The following ARID4B variants were observed in gnomAD, a reference collection of about 807,000 sequenced individuals.
ARID4B encodes AT-rich interaction domain 4B, also known as AT-rich interactive domain-containing protein 4B.
In ARID4B, 26 loss-of-function variants were observed where a neutral mutation model predicts 147.5. The observed-to-expected ratio is 0.18, with a 90% CI of 0.13 to 0.24. ARID4B has a LOEUF of 0.24. Among genes scored for constraint, ARID4B ranks in the 10% least tolerant of loss-of-function variants. The pLI is 1.00. For missense variants in ARID4B, 1,179 were observed against 1,511.5 expected, an observed-to-expected ratio of 0.78 and a Z score of 3.65; for synonymous variants, 512 against 507.9, an observed-to-expected ratio of 1.01 and a Z score of -0.11.
intron 3 of ARID4B, among the ~76,000 whole-genome samples, chr1:235,258,060 G>A (rs890502500): frequency 3.3e-5 from 5 of 152,178 alleles, no homozygotes; most frequent in African/African-American, 4.8e-5. Flanking sequence ...GGCCAGGTGC[G>A]GTGGCTCATC....
intron 6 of ARID4B, among the ~76,000 whole-genome samples, chr1:235,250,819 C>T (rs1231800123): frequency 6.6e-6 from 1 of 152,172 alleles, no homozygotes; most frequent in African/African-American, 2.4e-5. Flanking sequence ...GTTCATATTA[C>T]CTTCAGCATT....
intron 2 of ARID4B, among the ~76,000 whole-genome samples, chr1:235,266,516 C>T (rs932521185): frequency 1.9e-4 from 29 of 152,162 alleles, no homozygotes; most frequent in African/African-American, 7.0e-4. Flanking sequence ...CAACAGCTAC[C>T]TCACAGTTTT....
chr1:235,298,268 T>A, intron 2 of ARID4B, among the ~76,000 whole-genome samples: 1 of 152,104 alleles, frequency 6.6e-6, no homozygotes, highest in East Asian at 1.9e-4. Context: ...ACTTTATTTT[T>A]GTATGTTGTA....
intron 22 of ARID4B, among the ~76,000 whole-genome samples, chr1:235,173,901 T>C (rs976009788): frequency 1.4e-4 from 21 of 146,672 alleles, no homozygotes; most frequent in Non-Finnish European, 2.4e-4. Context: ...GAGAGAAGGA[T>C]AGTGAACCCC....
At chr1:235,215,394 A>G (rs1299327277) in intron 16 of ARID4B, among the ~76,000 whole-genome samples, 1 of 152,106 alleles carries the variant, frequency 6.6e-6, no homozygotes, top group East Asian at 1.9e-4. Context: ...ACAAATGACT[A>G]AACATCATAA....
At chr1:235,281,572 A>G (rs915581422) in intron 2 of ARID4B, among the ~76,000 whole-genome samples, 8 of 152,094 alleles carry the variant, frequency 5.3e-5, no homozygotes, top group African/African-American at 1.9e-4. Flanking sequence ...TGAGCGTGGT[A>G]GCCCATGCCT....
chr1:235,182,680 C>A lies in ARID4B; in HGVS notation c.2239G>T (p.Asp747Tyr). ...TTCTGTTCCTCCTTTGAAATAAGAT[C>A]ATTTCTGTTGTTGGTCAAATGATCA... ...KIDHLTNNRNDLISKEEQNSS... is the reference protein window; with the variant it reads ...KIDHLTNNRNYLISKEEQNSS... The change falls in exon 20 of 24, where the codon GAT (aspartate) becomes TAT (tyrosine). Residue 747 changes from aspartate to tyrosine, a missense_variant. Coordinates refer to ENST00000264183, the MANE Select transcript of ARID4B (RefSeq NM_016374.6). 1.9e-6 allele frequency: 3 copies of A among 1,613,772 alleles called. No individual in the cohort carries two copies. The highest frequency in any genetic ancestry group is 2.5e-6 in the Non-Finnish European group (3 of 1,179,992).
chr1:235,179,546 A>C (rs1232074313), intron 20 of ARID4B, among the ~76,000 whole-genome samples: 2 of 149,930 alleles, frequency 1.3e-5, no homozygotes, highest in African/African-American at 2.4e-5. Context: ...AAAAAAAAAA[A>C]AAAAAAACCC....
At chr1:235,206,924 T>C (rs1022861515) in intron 17 of ARID4B, among the ~76,000 whole-genome samples, 22 of 152,182 alleles carry the variant, frequency 1.4e-4, no homozygotes, top group Non-Finnish European at 4.4e-5. Context: ...AGAAAAGATT[T>C]TCCTTGAGAT....
chr1:235,302,299 A>C (rs1450201685), intron 2 of ARID4B, among the ~76,000 whole-genome samples: 1 of 132,574 alleles, frequency 7.5e-6, no homozygotes, highest in Non-Finnish European at 1.6e-5. Context: ...AAGGAAGGAA[A>C]AAGGGAAAGG....
At position 235,232,352 on chromosome 1, in the gene ARID4B, G is replaced by A. The variant is rs531616790; in HGVS notation, c.666-1163C>T. 6.6e-5 allele frequency among the ~76,000 whole-genome samples: 10 copies of A among 151,966 alleles called. No homozygotes were observed. The East Asian group carries it at 1.4e-3, about 21-fold the overall frequency. On this transcript the variant is annotated intron_variant, in intron 9 of 23. Transcript: ENST00000264183. ...GGAGAATCGCTTGAACCTGGGAGGC[G>A]GAGGTTGCAGTGAGCTGAGATTGCG...
chr1:235,220,200 A>G (rs2103023020), intron 15 of ARID4B, 102 bp downstream of exon 15: 1 of 1,053,008 alleles, frequency 9.5e-7, no homozygotes, highest in East Asian at 3.1e-5. Flanking sequence ...ATAAACAAAT[A>G]ATAAAGAATA....
intron 2 of ARID4B, among the ~76,000 whole-genome samples, chr1:235,294,249 AAAT>A (rs1303712858): frequency 6.6e-6 from 1 of 151,780 alleles, no homozygotes; most frequent in African/African-American, 2.4e-5. Flanking sequence ...ACATACAGTA[AAAT>A]AATACCTCTT....
chr1:235,202,700 C>G (rs1373742500), intron 17 of ARID4B, among the ~76,000 whole-genome samples: 2 of 151,812 alleles, frequency 1.3e-5, no homozygotes, highest in Non-Finnish European at 1.5e-5. Flanking sequence ...CAGGTGTGTG[C>G]CACCACGTCC....
intron 2 of ARID4B, among the ~76,000 whole-genome samples, chr1:235,269,982 A>T (rs748274513): frequency 1.8e-4 from 27 of 151,902 alleles, no homozygotes; most frequent in Non-Finnish European, 3.7e-4. Context: ...GAGTTACTGC[A>T]TATTTTAAAA....
At position 235,168,476 on chromosome 1, in the gene ARID4B, G is replaced by C; in HGVS notation, c.*49C>G. The C allele has an allele frequency of 1.9e-6, 3 of 1,593,634 alleles. No individual in the cohort carries two copies. Among genetic ancestry groups the C allele is most frequent in the African/African-American group, 1.3e-5 (1 of 74,276 alleles). ...TGCCACTGTGCAGTATAAAAAAAAA[G>C]TGGCCCTCAACAGCCATTAAGTGCA... On this transcript the variant is annotated 3_prime_UTR_variant, in exon 24 of 24. Coordinates refer to ENST00000264183, the MANE Select transcript of ARID4B (RefSeq NM_016374.6).
At position 235,181,939 on chromosome 1, in the gene ARID4B, T is replaced by G. The variant is rs1664340993; in HGVS notation, c.2980A>C (p.Ser994Arg). ...ACTGTTTTTTCTTCAATGGGTTTACTATCGACATTGACTGGAGGTGGTTTT... is the reference window on the plus strand; with the variant it reads ...ACTGTTTTTTCTTCAATGGGTTTACGATCGACATTGACTGGAGGTGGTTTT... Reference protein sequence around the residue: ...LEKPPPVNVDSKPIEEKTVEV... With the variant: ...LEKPPPVNVDRKPIEEKTVEV... The change falls in exon 20 of 24, where the codon AGT becomes CGT. Residue 994 changes from serine to arginine, a missense_variant. Physicochemically the swap from Ser to Arg is moderately radical, Grantham distance 110. Around this residue, in one of 10 missense-constraint regions of ARID4B, gnomAD observed 357 missense variants for 427.3 expected, o/e 0.84. Transcript: ENST00000264183. 1 of 1,614,106 alleles carries G rather than the reference T, an allele frequency of 6.2e-7. No individual in the cohort carries two copies. Among genetic ancestry groups the G allele is most frequent in the Non-Finnish European group, 8.5e-7 (1 of 1,180,036 alleles).
intron 6 of ARID4B, among the ~76,000 whole-genome samples, 189 bp from the exon 7 acceptor site, chr1:235,246,700 C>T (rs1445453278): frequency 2.0e-5 from 3 of 151,820 alleles, no homozygotes; most frequent in Admixed American, 6.6e-5. Flanking sequence ...GATGAATGAG[C>T]TCATTACTGG....
At chr1:235,199,399 AAC>A (rs1199936357) in intron 17 of ARID4B, among the ~76,000 whole-genome samples, 1 of 152,198 alleles carries the variant, frequency 6.6e-6, no homozygotes, top group African/African-American at 2.4e-5. Context: ...CTTTGTATAA[AAC>A]ACAGTTACAC....
Sources: gnomAD v4.1 joint callset for allele counts (sites outside exome capture counted in the v4.1 genomes callset) on GRCh38, gnomAD v4.1.1 for gene constraint, gnomAD v4.1.1 regional missense constraint, MANE v1.5 for transcripts, NCBI Gene and HGNC (gene_info 2026-07-23, HGNC 2026-07-21) for gene names.